The following NR4A3 variants were observed in gnomAD, a reference collection of about 807,000 sequenced individuals.
NR4A3 encodes chondrosarcoma, extraskeletal myxoid, fused to EWS.
A neutral mutation model predicts 55.6 loss-of-function variants in NR4A3; 13 were observed. The ratio of observed to expected loss-of-function variants is 0.23; its 90% CI spans 0.15 to 0.37. The LOEUF is 0.37. Among genes scored for constraint, NR4A3 ranks in the 10% least tolerant of loss-of-function variants. NR4A3 has a pLI of 1.00. For missense variants in NR4A3, 646 were observed against 822.8 expected (o/e 0.79, Z 2.63); for synonymous variants, 342 against 357.9 (o/e 0.96, Z 0.50).
Position 99,852,856 on chromosome 9 carries a change from C to T in NR4A3, c.1633+5241C>T, listed in dbSNP as rs189325826. Among the ~76,000 whole-genome samples the T allele has an allele frequency of 2.0e-5, 3 of 152,322 alleles. No individual in the cohort carries two copies. The East Asian group carries it at 5.8e-4, about 29-fold the overall frequency. On this transcript the variant is annotated intron_variant, in intron 7 of 7. Coordinates refer to ENST00000395097, the MANE Select transcript of NR4A3 (RefSeq NM_006981.4). ...GGCACACCCTCCACCATCTGTCTTT[C>T]CAGAGCTCCACTGCTCACTGTAAAT...
At chr9:99,863,231 T>A (rs1364710586) in intron 7 of NR4A3, among the ~76,000 whole-genome samples, 2 of 152,230 alleles carry the variant, frequency 1.3e-5, no homozygotes, top group Non-Finnish European at 2.9e-5. Context: ...CTTAGTAGGA[T>A]AATGTATGCA....
chr9:99,855,492 C>T (rs1486781575), intron 7 of NR4A3, among the ~76,000 whole-genome samples: 1 of 152,178 alleles, frequency 6.6e-6, no homozygotes, highest in Admixed American at 6.5e-5. Context: ...ATCAACTGTG[C>T]ACCAGACACA....
intron 6 of NR4A3, among the ~76,000 whole-genome samples, chr9:99,846,573 C>A (rs140247445): frequency 3.9e-5 from 6 of 152,166 alleles, no homozygotes; most frequent in Non-Finnish European, 8.8e-5. Context: ...GAAGGTAATA[C>A]AAAATAAGGA....
intron 1 of NR4A3, among the ~76,000 whole-genome samples, chr9:99,823,776 G>T (rs1827232290): frequency 7.2e-6 from 1 of 139,110 alleles, no homozygotes; most frequent in South Asian, 2.7e-4. Context: ...GCCTGGGACC[G>T]TGCGCTCACA....
rs1204056119 is a variant in NR4A3 at position 99,864,694 on chromosome 9, C to G, written c.*827C>G. 1 of 227,158 alleles carries G rather than the reference C, an allele frequency of 4.4e-6. No homozygotes were observed. The highest frequency in any genetic ancestry group is 8.8e-6 in the Non-Finnish European group (1 of 113,956). 14.1% of individuals were successfully genotyped at this position (227,158 alleles called of 1,614,324 possible). On this transcript the variant is annotated 3_prime_UTR_variant, in exon 8 of 8. Coordinates refer to ENST00000395097, the MANE Select transcript of NR4A3 (RefSeq NM_006981.4). ...ATCCCTGCCCTGACTGTCCAGCTATCCTGAAAGTGGATCAGATTATAAACT... is the reference window on the plus strand; with the variant it reads ...ATCCCTGCCCTGACTGTCCAGCTATGCTGAAAGTGGATCAGATTATAAACT...
chr9:99,863,501 T>A, intron 7 of NR4A3, 119 bp from the exon 8 acceptor site: 1 of 1,273,432 alleles, frequency 7.9e-7, no homozygotes, highest in Non-Finnish European at 1.1e-6. Context: ...GGAGGGCACT[T>A]TGATTGCAAA....
intron 6 of NR4A3, among the ~76,000 whole-genome samples, chr9:99,847,095 G>A (rs1270338061): frequency 6.6e-6 from 1 of 152,148 alleles, no homozygotes; most frequent in African/African-American, 2.4e-5. Flanking sequence ...CTGAGAGAGG[G>A]GTGCACTGGG....
chr9:99,830,340 G>A (rs1827414727), intron 3 of NR4A3, among the ~76,000 whole-genome samples: 1 of 152,182 alleles, frequency 6.6e-6, no homozygotes, highest in East Asian at 1.9e-4. Context: ...ACTCAGAGAA[G>A]AGCTGTGTAT....
In NR4A3 at chr9:99,863,974, A is replaced by G; in HGVS notation, c.*107A>G. 7.7e-7 allele frequency: 1 copy of G among 1,306,668 alleles called. No individual in the cohort carries two copies. Among genetic ancestry groups the G allele is most frequent in the Non-Finnish European group, 1.0e-6 (1 of 954,482 alleles). The allele number at this position is 1,306,668 out of a possible 1,614,324, so 80.9% of individuals were successfully genotyped here. ...CATTTCCTGTCCTTCCTTAAGAGGAAAAGCAGCTCCTGTAGAAAGCAAAGA... is the reference window on the plus strand; with the variant it reads ...CATTTCCTGTCCTTCCTTAAGAGGAGAAGCAGCTCCTGTAGAAAGCAAAGA... On this transcript the variant is annotated 3_prime_UTR_variant, in exon 8 of 8. Transcript: ENST00000395097.
chr9:99,864,277 C>G lies in NR4A3; in HGVS notation c.*410C>G, dbSNP rs1828056122. 4.1e-6 allele frequency: 1 copy of G among 244,482 alleles called. No homozygotes were observed. The highest frequency in any genetic ancestry group is 4.9e-5 in the Admixed American group (1 of 20,492). The allele number at this position is 244,482 out of a possible 1,614,324, so 15.1% of individuals were successfully genotyped here. A position where few individuals can be genotyped will look rare whatever the true frequency, so the allele number is the denominator to read the frequency against. ...ACAAGAACAGCCAAGGGTTGTTCGC[C>G]AGGGTAGGATGTGTCTTAAAGATTG... On this transcript the variant is annotated 3_prime_UTR_variant, in exon 8 of 8. Coordinates refer to ENST00000395097, the MANE Select transcript of NR4A3 (RefSeq NM_006981.4).
At position 99,828,226 on chromosome 9, in the gene NR4A3, G is replaced by A. The variant is rs549690634; in HGVS notation, c.184G>A (p.Val62Met). The A allele has an allele frequency of 6.5e-5, 105 of 1,613,858 alleles. 2 individuals are homozygous for A. In the South Asian group the frequency reaches 1.1e-3, roughly 16 times the overall value. ...GTCCCTGCCCAGCATCAGTACCTTC[G>A]TGGAGGGCTACTCGAGCAACTACGA... ...TTSLPSISTFVEGYSSNYELK... is the reference protein window; with the variant it reads ...TTSLPSISTFMEGYSSNYELK... The change falls in exon 3 of 8, where the codon GTG becomes ATG. Residue 62 changes from valine (V) to methionine (M), a missense_variant. By Grantham distance (21) the Val-to-Met change is conservative. Coordinates refer to ENST00000395097, the MANE Select transcript of NR4A3 (RefSeq NM_006981.4). This position sits in a 1 kb window ranked among gnomAD's most constrained non-coding sequence, Gnocchi z 7.7.
chr9:99,844,239 A>T lies in NR4A3; in HGVS notation c.1255-410A>T, dbSNP rs570341950. Among the ~76,000 whole-genome samples, 116 of 152,280 alleles carry T rather than the reference A, an allele frequency of 7.6e-4. 2 individuals are homozygous for T. Among genetic ancestry groups the T allele is most frequent in the Admixed American group, 7.4e-3 (113 of 15,298 alleles). On this transcript the variant is annotated intron_variant, in intron 5 of 7. Coordinates refer to ENST00000395097, the MANE Select transcript of NR4A3 (RefSeq NM_006981.4). ...CAAACTCCTGGGGCAGTAGTTCTCA[A>T]TTGGGCTACTCCACTTTGGAGTCAC...
chr9:99,838,314 A>G (rs1355223939), intron 5 of NR4A3, among the ~76,000 whole-genome samples: 1 of 152,252 alleles, frequency 6.6e-6, no homozygotes, highest in Non-Finnish European at 1.5e-5. Context: ...ACTTGCAAAT[A>G]CGAGAGGTGC....
intron 3 of NR4A3, 137 bp from the exon 4 acceptor site, chr9:99,832,552 A>T: frequency 3.2e-6 from 2 of 633,102 alleles, no homozygotes; most frequent in Non-Finnish European, 4.8e-6. Context: ...CCTGCAGGCT[A>T]GCGTTTTAGG....
At position 99,828,816 on chromosome 9, in the gene NR4A3, T is replaced by C; in HGVS notation, c.774T>C (p.Pro258=). 1 of 1,474,376 alleles carries C rather than the reference T, an allele frequency of 6.8e-7. No individual in the cohort carries two copies. Among genetic ancestry groups the C allele is most frequent in the East Asian group, 3.0e-5 (1 of 33,818 alleles). 91.3% of individuals were successfully genotyped at this position (1,474,376 alleles called of 1,614,324 possible). A position where few individuals can be genotyped will look rare whatever the true frequency, so the allele number is the denominator to read the frequency against. The change falls in exon 3 of 8, where the codon CCT becomes CCC. Residue 258 remains proline (P), a synonymous_variant. Coordinates refer to ENST00000395097, the MANE Select transcript of NR4A3 (RefSeq NM_006981.4). This position sits in a 1 kb window ranked among gnomAD's most constrained non-coding sequence, Gnocchi z 7.7. ...GGGCGGCCCCGCTGGCCTTCCCGCC[T>C]CTCGGCCTCACGCCCTCCCCTACCG... The part of the protein sequence containing the change: ...AKRAAPLAFP[P]LGLTPSPTAS...
At chr9:99,857,731 G>A (rs1827950865) in intron 7 of NR4A3, among the ~76,000 whole-genome samples, 1 of 151,364 alleles carries the variant, frequency 6.6e-6, no homozygotes, top group Non-Finnish European at 1.5e-5. Flanking sequence ...CTCCAGCCTG[G>A]CGACAGAGCA....
intron 7 of NR4A3, among the ~76,000 whole-genome samples, chr9:99,858,983 C>T (rs2118165242): frequency 6.6e-6 from 1 of 152,288 alleles, no homozygotes; most frequent in South Asian, 2.1e-4. Flanking sequence ...GAAATTTGAA[C>T]TAAATAACTC....
chr9:99,837,691 C>G (rs1428524130), intron 5 of NR4A3, among the ~76,000 whole-genome samples: 1 of 151,988 alleles, frequency 6.6e-6, no homozygotes, highest in African/African-American at 2.4e-5. Flanking sequence ...AGTGTGTATC[C>G]ATAATCTATT....
chr9:99,839,075 C>T (rs139708587), intron 5 of NR4A3, among the ~76,000 whole-genome samples: 153 of 152,234 alleles, frequency 1.0e-3, no homozygotes, highest in African/African-American at 3.6e-3. Context: ...ACCTTACATA[C>T]CTGTAAAGGA....
Sources: gnomAD v4.1 joint callset for allele counts (sites outside exome capture counted in the v4.1 genomes callset) on GRCh38, gnomAD v4.1.1 for gene constraint, Gnocchi (gnomAD v3.1) non-coding constraint, MANE v1.5 for transcripts, NCBI Gene and HGNC (gene_info 2026-07-23, HGNC 2026-07-21) for gene names.